Variants in GRM5 observed in about 807,000 individuals in gnomAD.
The protein encoded by GRM5 is glutamate metabotropic receptor 5, also known as metabotropic glutamate receptor 5.
In GRM5, 19 loss-of-function variants were observed where a neutral mutation model predicts 83.1. That is an observed-to-expected ratio of 0.23 (90% CI 0.16 to 0.34). GRM5 has a LOEUF of 0.34. Among genes scored for constraint, GRM5 ranks in the 10% least tolerant of loss-of-function variants. The pLI is 1.00. For missense variants in GRM5, 1,160 were observed against 1,588.3 expected (o/e 0.73, Z 4.58); for synonymous variants, 675 against 633.6 (o/e 1.07, Z -0.98).
At chr11:88,556,733 C>T (rs1591345957) in intron 8 of GRM5, among the ~76,000 whole-genome samples, 1 of 151,978 alleles carries the variant, frequency 6.6e-6, no homozygotes, top group East Asian at 1.9e-4. Flanking sequence ...AGTGCTTAGT[C>T]TAGGGTCCTG....
At chr11:88,564,190 T>A (rs1230401147) in intron 8 of GRM5, among the ~76,000 whole-genome samples, 1 of 152,122 alleles carries the variant, frequency 6.6e-6, no homozygotes, top group African/African-American at 2.4e-5. Context: ...CAGATCAAGA[T>A]TTGCCAAGAT....
chr11:88,748,791 A>T (rs912422463), intron 3 of GRM5, among the ~76,000 whole-genome samples: 6 of 152,104 alleles, frequency 3.9e-5, no homozygotes, highest in African/African-American at 1.2e-4. Context: ...ACCTCCAGGT[A>T]TGGGAAAAAC....
chr11:88,928,956 A>G (rs1045182586), intron 2 of GRM5, among the ~76,000 whole-genome samples: 1 of 150,024 alleles, frequency 6.7e-6, no homozygotes, highest in Non-Finnish European at 1.5e-5. Context: ...TCAAGAGTTT[A>G]TTTCTTTGGT....
chr11:88,759,038 G>A (rs1942455018), intron 3 of GRM5, among the ~76,000 whole-genome samples: 1 of 152,054 alleles, frequency 6.6e-6, no homozygotes, highest in Non-Finnish European at 1.5e-5. Context: ...AAATACTGAG[G>A]GAACCTGTTA....
chr11:88,796,635 C>A (rs1247470953), intron 3 of GRM5, among the ~76,000 whole-genome samples: 1 of 152,058 alleles, frequency 6.6e-6, no homozygotes, highest in Non-Finnish European at 1.5e-5. Flanking sequence ...GACTGATTTT[C>A]ATTAAGCATG....
At chr11:88,939,040 T>C (rs1937998100) in intron 2 of GRM5, among the ~76,000 whole-genome samples, 1 of 151,794 alleles carries the variant, frequency 6.6e-6, no homozygotes, top group Middle Eastern at 3.2e-3. Flanking sequence ...TGCTCTATTT[T>C]TTATCTTCTG....
intron 8 of GRM5, among the ~76,000 whole-genome samples, chr11:88,561,224 T>A (rs761794772): frequency 1.2e-4 from 19 of 152,152 alleles, no homozygotes; most frequent in Non-Finnish European, 2.1e-4. Context: ...CCAATGAATG[T>A]GGGGAGACCA....
At chr11:88,527,882 C>T (rs1941916063) in intron 8 of GRM5, among the ~76,000 whole-genome samples, 2 of 151,992 alleles carry the variant, frequency 1.3e-5, no homozygotes, top group African/African-American at 4.8e-5. Context: ...GGGAGCTTAA[C>T]ACTGAGTACG....
chr11:89,042,008 A>G (rs1383759240), intron 2 of GRM5, among the ~76,000 whole-genome samples: 1 of 152,156 alleles, frequency 6.6e-6, no homozygotes, highest in Non-Finnish European at 1.5e-5. Context: ...TAATTTACAG[A>G]TCAAGAGCAA....
intron 3 of GRM5, among the ~76,000 whole-genome samples, chr11:88,767,930 A>G (rs547943914): frequency 6.6e-6 from 1 of 152,154 alleles, no homozygotes; most frequent in South Asian, 2.1e-4. Context: ...TATAAAAAGA[A>G]AAAAGTAATA....
chr11:89,044,216 G>A (rs1176545971), intron 2 of GRM5, among the ~76,000 whole-genome samples: 1 of 152,176 alleles, frequency 6.6e-6, no homozygotes, highest in Non-Finnish European at 1.5e-5. Flanking sequence ...CTGAGTCATT[G>A]CATATTCCTT....
At chr11:88,796,027 C>A (rs1258689644) in intron 3 of GRM5, among the ~76,000 whole-genome samples, 2 of 152,194 alleles carry the variant, frequency 1.3e-5, no homozygotes, top group Non-Finnish European at 2.9e-5. Flanking sequence ...CTAATTGGTT[C>A]AGAAAAGTCT....
intron 2 of GRM5, among the ~76,000 whole-genome samples, chr11:88,869,564 A>C: frequency 6.6e-6 from 1 of 151,386 alleles, no homozygotes; most frequent in East Asian, 1.9e-4. Context: ...AATTTATATT[A>C]ATAAAGTATA....
intron 2 of GRM5, among the ~76,000 whole-genome samples, chr11:88,962,332 C>T (rs116633253): frequency 0.016 from 2,385 of 152,218 alleles, 61 homozygotes; most frequent in African/African-American, 0.055. Context: ...TTCACGTAGC[C>T]ATTCTTCAAT....
intron 3 of GRM5, among the ~76,000 whole-genome samples, chr11:88,800,281 T>G (rs1469707697): frequency 6.6e-6 from 1 of 152,086 alleles, no homozygotes; most frequent in Non-Finnish European, 1.5e-5. Context: ...AGTTCTTATG[T>G]AGGACTCTCC....
At chr11:88,543,507 T>TA (rs910545312) in intron 8 of GRM5, among the ~76,000 whole-genome samples, 1 of 140,906 alleles carries the variant, frequency 7.1e-6, no homozygotes, top group East Asian at 2.1e-4. Context: ...GACTCAATAA[T>TA]AAAAAAAGTG....
intron 3 of GRM5, among the ~76,000 whole-genome samples, chr11:88,773,727 GT>G (rs1942787882): frequency 6.6e-6 from 1 of 152,066 alleles, no homozygotes; most frequent in South Asian, 2.1e-4. Context: ...CCCATTTCTT[GT>G]TTTTATCAGG....
chr11:88,989,814 G>A (rs554050338), intron 2 of GRM5, among the ~76,000 whole-genome samples: 7 of 150,986 alleles, frequency 4.6e-5, no homozygotes, highest in African/African-American at 1.5e-4. Context: ...TGAAACCAAC[G>A]AGAACAAAGA....
chr11:88,970,386 G>C (rs1939131290), intron 2 of GRM5, among the ~76,000 whole-genome samples: 1 of 152,140 alleles, frequency 6.6e-6, no homozygotes, highest in South Asian at 2.1e-4. Flanking sequence ...TGAAGAGGTA[G>C]TGAAGGAGAT....
Sources: gnomAD v4.1 joint callset for allele counts (sites outside exome capture counted in the v4.1 genomes callset) on GRCh38, gnomAD v4.1.1 for gene constraint, MANE v1.5 for transcripts, NCBI Gene and HGNC (gene_info 2026-07-23, HGNC 2026-07-21) for gene names.